ACOX2: variants seen among roughly 807,000 people sequenced by gnomAD.
ACOX2 encodes peroxisomal acyl-coenzyme A oxidase 2.
Under a neutral mutation model 77.5 loss-of-function variants are expected in ACOX2, and 59 were observed. That is an observed-to-expected ratio of 0.76 (90% confidence interval 0.62 to 0.95). The LOEUF (loss-of-function observed/expected upper bound fraction) is 0.95, where lower values mean the gene tolerates loss of function less well. Ranked by LOEUF, ACOX2 falls within the 40% of genes least tolerant of loss-of-function variation. ACOX2 has a pLI of 0.00. For missense variants in ACOX2, 837 were observed against 880.4 expected (o/e 0.95, Z 0.62); for synonymous variants, 317 against 340.1 (o/e 0.93, Z 0.75).
chr3:58,527,048 C>G (rs1442761644), intron 9 of ACOX2, among the ~76,000 whole-genome samples: 1 of 152,124 alleles, frequency 6.6e-6, no homozygotes, highest in South Asian at 2.1e-4. Flanking sequence ...AGGAGGGTGA[C>G]AGGGTCTGAA....
rs562396036 is a variant in ACOX2 at position 58,509,062 on chromosome 3, T to A, written c.1851-37A>T. 1.0e-3 allele frequency: 1,640 copies of A among 1,609,528 alleles called. 34 individuals carry two copies. In the South Asian group the frequency reaches 0.017, roughly 17 times the overall value. On this transcript the variant is annotated intron_variant, in intron 13 of 14. Transcript: ENST00000302819. ...AACAAGAGTTTGTAAGTATTTTAGA[T>A]TGCTCTTATGAATCAAACTAGTCTT...
In ACOX2 at chr3:58,522,616, A is replaced by C; in HGVS notation, c.1527-15T>G. On this transcript the variant is annotated splice_polypyrimidine_tract_variant and intron_variant, in intron 11 of 14. Transcript: ENST00000302819. This position sits in a 1 kb window ranked among gnomAD's most constrained non-coding sequence, Gnocchi z 4.3. ...CCTTTATGAGCCTGAAAGCCAAAGC[A>C]AAAAAGGTTCAGCTTCCTGACTGAG... The C allele has an allele frequency of 2.5e-6, 4 of 1,612,780 alleles. No individual in the cohort carries two copies. The highest frequency in any genetic ancestry group is 3.4e-6 in the Non-Finnish European group (4 of 1,178,804).
chr3:58,517,562 C>G (rs1224079137), intron 12 of ACOX2, 139 bp from the exon 13 acceptor site: 1 of 785,792 alleles, frequency 1.3e-6, no homozygotes, highest in East Asian at 2.7e-5. Flanking sequence ...TGCCTTTTCT[C>G]CTAGCTCTGG....
chr3:58,510,648 AAAAAAAAAAAAAAAAATATATATATAT>A (rs61386306), intron 13 of ACOX2, among the ~76,000 whole-genome samples: 10 of 37,456 alleles, frequency 2.7e-4, no homozygotes, highest in African/African-American at 1.1e-3. Flanking sequence ...AAAAAAAAAA[AAAAAAAAAAAAAAAAATATATATATAT>A]ATATATATAT....
chr3:58,516,763 A>G (rs2063324094), intron 13 of ACOX2, among the ~76,000 whole-genome samples: 1 of 152,134 alleles, frequency 6.6e-6, no homozygotes, highest in South Asian at 2.1e-4. Context: ...ACTTGAACCC[A>G]GAGGCAGAGG....
At chr3:58,527,140 T>A (rs1576997344) in intron 9 of ACOX2, among the ~76,000 whole-genome samples, 2 of 152,166 alleles carry the variant, frequency 1.3e-5, no homozygotes, top group South Asian at 2.1e-4. Context: ...TGATTAGGAC[T>A]AGGATTAGGA....
intron 13 of ACOX2, among the ~76,000 whole-genome samples, chr3:58,511,925 ACTTCCTTATTATCTTGCGAGGGT>A (rs2063290919): frequency 6.6e-6 from 1 of 152,166 alleles, no homozygotes; most frequent in Non-Finnish European, 1.5e-5. Flanking sequence ...TGCCACGGTT[ACTTCCTTATTATCTTGCGAGGGT>A]CTCAAGACTG....
At position 58,534,098 on chromosome 3, in the gene ACOX2, C is replaced by G. The variant is rs538417562; in HGVS notation, c.371G>C (p.Arg124Thr). 3.1e-6 allele frequency: 5 copies of G among 1,614,064 alleles called. No homozygotes were observed. Among genetic ancestry groups the G allele is most frequent in the South Asian group, 1.1e-5 (1 of 91,080 alleles). ...VALNIHRVFVRALRSLGSEEQ... is the reference protein window; with the variant it reads ...VALNIHRVFVTALRSLGSEEQ... ...CTCTGAGCCCAGGCTCCTGAGGGCT[C>G]TCACGAAGACTCTGTGTATATTTAA... is the stretch of plus-strand genomic sequence containing the variant. Residue 124 changes from arginine to threonine, a missense_variant, in exon 4 of 15, where the codon AGA becomes ACA. Transcript: ENST00000302819. The surrounding 1 kb of genome is among the most constrained non-coding windows in gnomAD (Gnocchi z 4.8).
rs201605181 is a variant in ACOX2, at chr3:58,526,640, G to T, written c.1172C>A (p.Thr391Lys). 1 of 1,614,016 alleles carries T rather than the reference G, an allele frequency of 6.2e-7. No individual in the cohort carries two copies. The highest frequency in any genetic ancestry group is 1.7e-5 in the Admixed American group (1 of 60,022). The stretch of plus-strand genomic sequence containing the variant: ...TTCTGACATCATGGCCTTCATGCCC[G>T]TGCTCAGTGCGTGGAGCTGTGAGAA... The part of the protein sequence containing the change: ...SFLPELHALS[T>K]GMKAMMSEFC... Residue 391 changes from threonine to lysine, a missense_variant, in exon 10 of 15, where the codon ACG becomes AAG. Transcript: ENST00000302819. This position sits in a 1 kb window ranked among gnomAD's most constrained non-coding sequence, Gnocchi z 4.3.
At position 58,522,704 on chromosome 3, in the gene ACOX2, G is replaced by A. The variant is rs1221712922; in HGVS notation, c.1527-103C>T. On this transcript the variant is annotated intron_variant, in intron 11 of 14. Coordinates refer to ENST00000302819, the MANE Select transcript of ACOX2 (RefSeq NM_003500.4). The surrounding 1 kb of genome is among the most constrained non-coding windows in gnomAD (Gnocchi z 4.3). ...GAAGTAGAAATAATGCCTGTTTATT[G>A]ACCACTTATGTGCCATAAAGCTAAA... 5 of 968,588 alleles carry A rather than the reference G, an allele frequency of 5.2e-6. No homozygotes were observed. The Admixed American group carries it at 9.6e-5, about 19-fold the overall frequency. The allele number at this position is 968,588 out of a possible 1,614,324, so 60.0% of individuals were successfully genotyped here.
chr3:58,506,814 A>G (rs2063237796), intron 14 of ACOX2, among the ~76,000 whole-genome samples: 1 of 152,200 alleles, frequency 6.6e-6, no homozygotes, highest in Non-Finnish European at 1.5e-5. Context: ...AAATAAAAAT[A>G]CATAAAATAT....
chr3:58,516,377 A>T (rs1013003979), intron 13 of ACOX2, among the ~76,000 whole-genome samples: 2 of 152,204 alleles, frequency 1.3e-5, no homozygotes, highest in Non-Finnish European at 2.9e-5. Context: ...GATTGTACCC[A>T]GCCCCTCCTC....
chr3:58,510,904 C>T (rs186485765), intron 13 of ACOX2: 82 of 449,730 alleles, frequency 1.8e-4, no homozygotes, highest in African/African-American at 1.2e-3. Flanking sequence ...GATTGCAGCT[C>T]AGCAATCGTA....
At position 58,521,759 on chromosome 3, in the gene ACOX2, A is replaced by T. The variant is rs4432659; in HGVS notation, c.1632+737T>A. Among the ~76,000 whole-genome samples, 77,155 of 152,074 alleles carry T rather than the reference A, an allele frequency of 0.51. 20,409 individuals carry two copies. Among genetic ancestry groups the T allele is most frequent in the East Asian group, 0.73 (3,779 of 5,186 alleles). On this transcript the variant is annotated intron_variant, in intron 12 of 14. Transcript: ENST00000302819. This position sits in a 1 kb window ranked among gnomAD's most constrained non-coding sequence, Gnocchi z 4.8. ...CCTTGCCTGTCTCTCCTTCTCCCCTAGTCTCAGTCCTTCTCCTTAGGTCCT... is the reference window on the plus strand; with the variant it reads ...CCTTGCCTGTCTCTCCTTCTCCCCTTGTCTCAGTCCTTCTCCTTAGGTCCT...
At chr3:58,532,364 T>TC (rs1372422963) in intron 5 of ACOX2, among the ~76,000 whole-genome samples, 45 of 151,742 alleles carry the variant, frequency 3.0e-4, no homozygotes, top group African/African-American at 1.0e-3. Flanking sequence ...TCTCTCTCTC[T>TC]TTTTTTTTCT....
rs1440866712 is a variant in ACOX2 at position 58,530,574 on chromosome 3, A to C, written c.884T>G (p.Val295Gly). ...CCCTGACAGCAGCTCCACCCGCACC[A>C]CCACCATGGGAAGGTAGTTGCTCTG... ...TAQSNYLPMV[V>G]VRVELLSGEI... Residue 295 changes from valine (V) to glycine (G), a missense_variant, in exon 8 of 15, where the codon GTG becomes GGG. Physicochemically the swap from Val to Gly is moderately radical, Grantham distance 109. Transcript: ENST00000302819. The C allele has an allele frequency of 6.2e-7, 1 of 1,614,120 alleles. No individual in the cohort carries two copies. Among genetic ancestry groups the C allele is most frequent in the Non-Finnish European group, 8.5e-7 (1 of 1,180,044 alleles).
In ACOX2 at chr3:58,525,279, C is replaced by A. The variant is rs574046103; in HGVS notation, c.1347-674G>T. ...ACTCCTTTTCTAATTTGGAAAAAAA[C>A]CAAGGGATGTTATATATTTTTAAAA... On this transcript the variant is annotated intron_variant, in intron 10 of 14. Transcript: ENST00000302819. This position sits in a 1 kb window ranked among gnomAD's most constrained non-coding sequence, Gnocchi z 5.0. 9.2e-5 allele frequency among the ~76,000 whole-genome samples: 14 copies of A among 152,226 alleles called. No individual in the cohort carries two copies. In the South Asian group the frequency reaches 1.2e-3, roughly 14 times the overall value.
At chr3:58,520,427 A>G (rs1289279047) in intron 12 of ACOX2, among the ~76,000 whole-genome samples, 1 of 152,236 alleles carries the variant, frequency 6.6e-6, no homozygotes, top group African/African-American at 2.4e-5. Flanking sequence ...CAGAGTCTGA[A>G]TTATAGGACC....
Position 58,531,226 on chromosome 3 carries a change from T to G in ACOX2, c.819+25A>C. 6.2e-7 allele frequency: 1 copy of G among 1,600,124 alleles called. No homozygotes were observed. The highest frequency in any genetic ancestry group is 2.2e-5 in the East Asian group (1 of 44,576). ...AGGTCCCCTCTCCAGGAAGTACAAGTCCCCGGCCTCCCCAGATCTGTAACC... is the reference window on the plus strand; with the variant it reads ...AGGTCCCCTCTCCAGGAAGTACAAGGCCCCGGCCTCCCCAGATCTGTAACC... On this transcript the variant is annotated intron_variant, in intron 7 of 14. Coordinates refer to ENST00000302819, the MANE Select transcript of ACOX2 (RefSeq NM_003500.4). The surrounding 1 kb of genome is among the most constrained non-coding windows in gnomAD (Gnocchi z 5.8).
Sources: gnomAD v4.1 joint callset for allele counts (sites outside exome capture counted in the v4.1 genomes callset) on GRCh38, gnomAD v4.1.1 for gene constraint, Gnocchi (gnomAD v3.1) non-coding constraint, MANE v1.5 for transcripts, NCBI Gene and HGNC (gene_info 2026-07-23, HGNC 2026-07-21) for gene names.